Variants in KALRN observed in about 807,000 individuals in gnomAD.
KALRN encodes the protein kalirin RhoGEF kinase.
Under a neutral mutation model 353.7 loss-of-function variants are expected in KALRN, and 70 were observed. The ratio of observed to expected loss-of-function variants is 0.20; its 90% CI spans 0.16 to 0.24. The LOEUF is 0.24. KALRN is among the 10% of genes least tolerant of loss of function. The pLI is 1.00. For missense variants in KALRN, 2,791 were observed against 3,756.7 expected (o/e 0.74, Z 6.72); for synonymous variants, 1,391 against 1,434.8 (o/e 0.97, Z 0.69).
intron 34 of KALRN, among the ~76,000 whole-genome samples, chr3:124,618,463 T>C (rs1032102723): frequency 1.3e-5 from 2 of 152,118 alleles, no homozygotes; most frequent in African/African-American, 4.8e-5. Context: ...AGAACAAAAC[T>C]GGAAGTTAGC....
At chr3:124,348,462 A>G (rs2082500018) in intron 10 of KALRN, among the ~76,000 whole-genome samples, 1 of 152,224 alleles carries the variant, frequency 6.6e-6, no homozygotes, top group South Asian at 2.1e-4. Flanking sequence ...GCATATGCTG[A>G]AAAATGAGAG....
intron 13 of KALRN, among the ~76,000 whole-genome samples, chr3:124,410,721 C>T (rs1023579685): frequency 1.3e-5 from 2 of 152,006 alleles, no homozygotes; most frequent in South Asian, 4.2e-4. Flanking sequence ...GTAGAGCAAC[C>T]GGAACTTGAA....
chr3:124,241,885 G>A (rs2080487888), intron 3 of KALRN, among the ~76,000 whole-genome samples: 1 of 152,196 alleles, frequency 6.6e-6, no homozygotes, highest in African/African-American at 2.4e-5. Flanking sequence ...GGGTAGGAAT[G>A]GGCCAGTCAG....
intron 1 of KALRN, among the ~76,000 whole-genome samples, chr3:124,051,299 A>G (rs2041018442): frequency 6.6e-6 from 1 of 152,116 alleles, no homozygotes; most frequent in Non-Finnish European, 1.5e-5. Flanking sequence ...CTGCTTTCTG[A>G]GAGGTTGGTG....
intron 1 of KALRN, among the ~76,000 whole-genome samples, chr3:124,054,186 G>C (rs1172758406): frequency 6.6e-6 from 1 of 152,030 alleles, no homozygotes; most frequent in African/African-American, 2.4e-5. Flanking sequence ...ATCAGCTGCA[G>C]TACCACATCC....
chr3:124,226,026 G>A (rs550545333), intron 1 of KALRN, among the ~76,000 whole-genome samples: 14 of 152,248 alleles, frequency 9.2e-5, no homozygotes, highest in African/African-American at 2.9e-4. Flanking sequence ...ATAGAGGAAA[G>A]CGTTTTAAAA....
intron 11 of KALRN, among the ~76,000 whole-genome samples, chr3:124,386,193 A>G (rs186581027): frequency 6.6e-6 from 1 of 152,294 alleles, no homozygotes; most frequent in East Asian, 1.9e-4. Context: ...CGGGACCTGC[A>G]GCCACTCTCT....
In KALRN at chr3:124,403,423, C is replaced by T. The variant is rs557168389; in HGVS notation, c.2346+4552C>T. On this transcript the variant is annotated intron_variant, in intron 13 of 59. Transcript: ENST00000682506. ...TAAGAAGGATATTCTAGACAAGGGACTTTCTGAAAATATGGGCCACCTTTA... is the reference window on the plus strand; with the variant it reads ...TAAGAAGGATATTCTAGACAAGGGATTTTCTGAAAATATGGGCCACCTTTA... Among the ~76,000 whole-genome samples the T allele has an allele frequency of 1.2e-4, 18 of 152,276 alleles. No homozygotes were observed. In the South Asian group the frequency reaches 3.7e-3, roughly 32 times the overall value.
chr3:124,081,739 A>G (rs1214055138), intron 1 of KALRN, among the ~76,000 whole-genome samples: 1 of 152,214 alleles, frequency 6.6e-6, no homozygotes, highest in African/African-American at 2.4e-5. Flanking sequence ...CCTGGGTGAC[A>G]GAATGAGGCC....
chr3:124,667,112 A>G lies in KALRN; in HGVS notation c.6632A>G (p.Asn2211Ser), dbSNP rs963442699. 6.2e-7 allele frequency: 1 copy of G among 1,614,200 alleles called. No individual in the cohort carries two copies. The highest frequency in any genetic ancestry group is 1.1e-5 in the South Asian group (1 of 91,074). ...TSERVVLQAANADIQQAWVQD... is the reference protein window; with the variant it reads ...TSERVVLQAASADIQQAWVQD... ...GAGAGGGTTGTTCTGCAAGCCGCCA[A>G]CGCTGACATCCAGCAGGCCTGGGTG... The change falls in exon 47 of 60, where the codon AAC (asparagine) becomes AGC (serine). Residue 2211 changes from asparagine to serine, a missense_variant. Coordinates refer to ENST00000682506, the MANE Select transcript of KALRN (RefSeq NM_001388419.1).
chr3:124,126,841 C>T (rs1275411372), intron 1 of KALRN, among the ~76,000 whole-genome samples: 1 of 152,232 alleles, frequency 6.6e-6, no homozygotes, highest in Non-Finnish European at 1.5e-5. Context: ...TAGCCCACTT[C>T]TGTAGCTTGT....
rs75186326 is a variant in KALRN at position 124,346,569 on chromosome 3, A to G, written c.1648-574A>G. On this transcript the variant is annotated intron_variant, in intron 9 of 59. Transcript: ENST00000682506. ...TATCGATTGGAGGAGGGAGATGGAA[A>G]GAAGCCAGAGGGGGCTCTTGTCCTA... Among the ~76,000 whole-genome samples the G allele has an allele frequency of 7.2e-5, 11 of 152,312 alleles. No homozygotes were observed. The East Asian group carries it at 2.1e-3, about 29-fold the overall frequency.
chr3:124,334,806 T>G lies in KALRN; in HGVS notation c.1647+311T>G, dbSNP rs2080958593. Among the ~76,000 whole-genome samples, 1 of 152,160 alleles carries G rather than the reference T, an allele frequency of 6.6e-6. No homozygotes were observed. The highest frequency in any genetic ancestry group is 1.5e-5 in the Non-Finnish European group (1 of 68,016). On this transcript the variant is annotated intron_variant, in intron 9 of 59. Transcript: ENST00000682506. This position sits in a 1 kb window ranked among gnomAD's most constrained non-coding sequence, Gnocchi z 4.2. ...CACATTTTTCTTTTGTTTTGTTTTG[T>G]TTTTTGGAAACAGAGTCTCGCTCTG...
At chr3:124,444,494 G>T (rs1034530107) in intron 19 of KALRN, among the ~76,000 whole-genome samples, 15 of 152,104 alleles carry the variant, frequency 9.9e-5, no homozygotes, top group Non-Finnish European at 1.6e-4. Flanking sequence ...ACAGGGAAGG[G>T]TGAATGATTG....
chr3:124,146,725 A>G (rs2067381663), intron 1 of KALRN, among the ~76,000 whole-genome samples: 2 of 152,008 alleles, frequency 1.3e-5, no homozygotes, highest in Non-Finnish European at 2.9e-5. Flanking sequence ...TAAAAATACA[A>G]AAATTAGCCA....
chr3:124,618,003 T>C (rs1260886843), intron 34 of KALRN, among the ~76,000 whole-genome samples: 8 of 150,720 alleles, frequency 5.3e-5, no homozygotes. Context: ...AGAGACAGTC[T>C]GGAGCTGTTA....
At chr3:124,069,882 A>T (rs2059931360) in intron 1 of KALRN, among the ~76,000 whole-genome samples, 1 of 152,120 alleles carries the variant, frequency 6.6e-6, no homozygotes, top group African/African-American at 2.4e-5. Flanking sequence ...TGAGTCAGTG[A>T]GTGGGGCGGC....
intron 10 of KALRN, among the ~76,000 whole-genome samples, chr3:124,378,055 T>G (rs2086829677): frequency 6.6e-6 from 1 of 152,120 alleles, no homozygotes; most frequent in South Asian, 2.1e-4. Context: ...ATGTGATTGC[T>G]GATATGTTTA....
At chr3:124,189,984 AC>A (rs2074714026) in intron 1 of KALRN, among the ~76,000 whole-genome samples, 1 of 151,944 alleles carries the variant, frequency 6.6e-6, no homozygotes, top group African/African-American at 2.4e-5. Flanking sequence ...TATAGAATGA[AC>A]TTTTAAACAG....
Sources: allele counts gnomAD v4.1 joint callset (sites outside exome capture counted in the v4.1 genomes callset), GRCh38; gene constraint gnomAD v4.1.1; non-coding constraint Gnocchi (gnomAD v3.1); transcripts MANE v1.5; gene names NCBI Gene and HGNC (gene_info 2026-07-23, HGNC 2026-07-21).